Variants in PPARGC1B observed in about 807,000 individuals in gnomAD.
PPARGC1B encodes peroxisome proliferator-activated receptor gamma coactivator 1-beta.
PPARGC1B carries 34 observed loss-of-function variants against 101.6 expected under a neutral mutation model. The ratio of observed to expected loss-of-function variants is 0.33; its 90% CI spans 0.25 to 0.45. The LOEUF is 0.45. Ranked by LOEUF, PPARGC1B falls within the 20% of genes least tolerant of loss-of-function variation. The pLI, the probability that PPARGC1B is intolerant of heterozygous loss-of-function variation, is 1.00. For missense variants in PPARGC1B, 1,234 were observed against 1,317.6 expected, an observed-to-expected ratio of 0.94 and a Z score of 0.98; for synonymous variants, 548 against 539.3, an observed-to-expected ratio of 1.02 and a Z score of -0.22.
intron 1 of PPARGC1B, among the ~76,000 whole-genome samples, chr5:149,799,304 C>T (rs1266513291): frequency 1.3e-5 from 2 of 152,196 alleles, no homozygotes; most frequent in African/African-American, 2.4e-5. Context: ...GAGCACTGGG[C>T]AGGCTTCCAG....
In PPARGC1B at chr5:149,832,257, C is replaced by T. The variant is rs994300726; in HGVS notation, c.583-399C>T. ...CTGGGAAGCAGAGGTTGCAGTGGGC[C>T]GAGATCGATGAATCCCCCAGTGCTC... On this transcript the variant is annotated intron_variant, in intron 4 of 11. Transcript: ENST00000309241. The surrounding 1 kb of genome is among the most constrained non-coding windows in gnomAD (Gnocchi z 4.9). Among the ~76,000 whole-genome samples, 1 of 152,146 alleles carries T rather than the reference C, an allele frequency of 6.6e-6. No homozygotes were observed. The highest frequency in any genetic ancestry group is 6.5e-5 in the Admixed American group (1 of 15,276).
At chr5:149,756,308 C>T (rs1030779750) in intron 1 of PPARGC1B, among the ~76,000 whole-genome samples, 2 of 151,908 alleles carry the variant, frequency 1.3e-5, no homozygotes, top group African/African-American at 2.4e-5. Context: ...AAAAATTAGC[C>T]AGGTGTGGTG....
At chr5:149,743,769 G>A (rs912633643) in intron 1 of PPARGC1B, among the ~76,000 whole-genome samples, 5 of 152,226 alleles carry the variant, frequency 3.3e-5, no homozygotes, top group Non-Finnish European at 5.9e-5. Context: ...TCTTGCACAC[G>A]AAGGATCAAA....
At chr5:149,743,569 A>G (rs1038072) in intron 1 of PPARGC1B, among the ~76,000 whole-genome samples, 49,862 of 152,064 alleles carry the variant, frequency 0.33, 9,319 homozygotes, top group African/African-American at 0.52. Flanking sequence ...TAGGCCCCCA[A>G]TAAATAGTTG....
chr5:149,791,494 T>C (rs985152877), intron 1 of PPARGC1B, among the ~76,000 whole-genome samples: 2 of 151,990 alleles, frequency 1.3e-5, no homozygotes, highest in Non-Finnish European at 2.9e-5. Flanking sequence ...TCCCCATCCC[T>C]GCAGGTGTGC....
intron 3 of PPARGC1B, among the ~76,000 whole-genome samples, chr5:149,827,592 T>A (rs1008525364): frequency 2.4e-4 from 36 of 152,218 alleles, no homozygotes; most frequent in Admixed American, 1.3e-4. Context: ...ATGGACAAAT[T>A]CTTAAAAATG....
intron 7 of PPARGC1B, 71 bp downstream of exon 7, chr5:149,835,436 G>T: frequency 7.3e-7 from 1 of 1,378,476 alleles, no homozygotes. Flanking sequence ...TTTTCATCAT[G>T]CATGGGCAAG....
At chr5:149,822,730 G>T (rs1672629452) in intron 2 of PPARGC1B, among the ~76,000 whole-genome samples, 1 of 152,228 alleles carries the variant, frequency 6.6e-6, no homozygotes, top group African/African-American at 2.4e-5. Flanking sequence ...CAGACTGCAA[G>T]GTCCTTGGGG....
rs1237526422 is a variant in PPARGC1B at position 149,832,411 on chromosome 5, G to A, written c.583-245G>A. On this transcript the variant is annotated intron_variant, in intron 4 of 11. Transcript: ENST00000309241. This position sits in a 1 kb window ranked among gnomAD's most constrained non-coding sequence, Gnocchi z 4.9. ...GGGCTTTGTCAGTGAATCTGGAAGG[G>A]TCTGCAGGGGCGAAATTCCATGGCT... is the stretch of plus-strand genomic sequence containing the variant. Among the ~76,000 whole-genome samples the A allele has an allele frequency of 6.6e-6, 1 of 152,184 alleles. No individual in the cohort carries two copies. The highest frequency in any genetic ancestry group is 1.5e-5 in the Non-Finnish European group (1 of 68,030).
At chr5:149,806,852 C>T (rs1757620147) in intron 1 of PPARGC1B, among the ~76,000 whole-genome samples, 1 of 152,096 alleles carries the variant, frequency 6.6e-6, no homozygotes, top group Non-Finnish European at 1.5e-5. Flanking sequence ...GGCCGTCCAC[C>T]CACCCTGGCC....
intron 1 of PPARGC1B, among the ~76,000 whole-genome samples, chr5:149,746,076 C>T (rs1755077725): frequency 6.6e-6 from 1 of 152,182 alleles, no homozygotes; most frequent in Non-Finnish European, 1.5e-5. Context: ...TTTCTGATGC[C>T]TGATTCACTG....
At chr5:149,752,991 C>A (rs1315688832) in intron 1 of PPARGC1B, among the ~76,000 whole-genome samples, 1 of 152,238 alleles carries the variant, frequency 6.6e-6, no homozygotes, top group Non-Finnish European at 1.5e-5. Flanking sequence ...GTAAACCATA[C>A]AAACATCGCA....
intron 4 of PPARGC1B, among the ~76,000 whole-genome samples, chr5:149,831,493 A>G (rs984330092): frequency 6.6e-6 from 1 of 152,156 alleles, no homozygotes; most frequent in Non-Finnish European, 1.5e-5. Flanking sequence ...GACCTCTCAG[A>G]CAGCAGCTCA....
At position 149,787,144 on chromosome 5, in the gene PPARGC1B, G is replaced by A. The variant is rs1042992568; in HGVS notation, c.79-33289G>A. Among the ~76,000 whole-genome samples the A allele has an allele frequency of 5.3e-5, 8 of 152,368 alleles. No homozygotes were observed. The South Asian group carries it at 8.3e-4, about 16-fold the overall frequency. ...TCAGGGTTTCCCATGGATCAGCTTA[G>A]CAACCACAGCAAGAGAGCATTTCTT... On this transcript the variant is annotated intron_variant, in intron 1 of 11. Transcript: ENST00000309241.
At chr5:149,829,802 G>A (rs983037314) in intron 3 of PPARGC1B, among the ~76,000 whole-genome samples, 36 of 151,924 alleles carry the variant, frequency 2.4e-4, no homozygotes, top group Admixed American at 5.2e-4. Flanking sequence ...TTGGGAGGCC[G>A]AGGCGGGCAG....
intron 1 of PPARGC1B, among the ~76,000 whole-genome samples, chr5:149,796,420 T>G (rs1271882149): frequency 6.6e-6 from 1 of 152,236 alleles, no homozygotes; most frequent in African/African-American, 2.4e-5. Context: ...AAGGGCCTTA[T>G]AAGCCACAGG....
intron 1 of PPARGC1B, among the ~76,000 whole-genome samples, chr5:149,738,068 G>A (rs921613159): frequency 6.6e-6 from 1 of 152,176 alleles, no homozygotes; most frequent in Middle Eastern, 3.2e-3. Context: ...CACATGCCTG[G>A]CACAGAATAA....
intron 1 of PPARGC1B, among the ~76,000 whole-genome samples, chr5:149,802,722 C>A (rs145476862): frequency 1.3e-5 from 2 of 151,806 alleles, no homozygotes; most frequent in African/African-American, 4.8e-5. Flanking sequence ...GGTGTTGCAT[C>A]CATGGTCACA....
intron 1 of PPARGC1B, among the ~76,000 whole-genome samples, chr5:149,749,472 G>C (rs1374178643): frequency 6.6e-6 from 1 of 152,138 alleles, no homozygotes; most frequent in Non-Finnish European, 1.5e-5. Flanking sequence ...CGCTACTGCT[G>C]TCTGAGTTCC....
Sources: gnomAD v4.1 joint callset for allele counts (sites outside exome capture counted in the v4.1 genomes callset) on GRCh38, gnomAD v4.1.1 for gene constraint, Gnocchi (gnomAD v3.1) non-coding constraint, MANE v1.5 for transcripts, NCBI Gene and HGNC (gene_info 2026-07-23, HGNC 2026-07-21) for gene names.